Variants in TNIP1 observed in about 807,000 individuals in gnomAD.
The protein encoded by TNIP1 is TNFAIP3-interacting protein 1.
Under a neutral mutation model 86.6 loss-of-function variants are expected in TNIP1, and 22 were observed. The observed-to-expected ratio is 0.25, with a 90% CI of 0.18 to 0.36. TNIP1 has a LOEUF of 0.36. TNIP1 is among the 10% of genes least tolerant of loss of function. The pLI is 1.00. For synonymous variants in TNIP1, 294 were observed against 313.0 expected (o/e 0.94, Z 0.64); for missense variants, 709 against 820.6 (o/e 0.86, Z 1.66).
chr5:151,045,610 A>G (rs951435631), intron 9 of TNIP1, among the ~76,000 whole-genome samples: 3 of 152,210 alleles, frequency 2.0e-5, no homozygotes, highest in Admixed American at 6.5e-5. Flanking sequence ...CTGTAGCCCC[A>G]ACAATTTTAG....
At chr5:151,063,591 G>A (rs771268799) in intron 3 of TNIP1, 22 bp downstream of exon 3, 1 of 1,612,182 alleles carries the variant, frequency 6.2e-7, no homozygotes, top group Non-Finnish European at 8.5e-7. Context: ...GAGAGTCAGA[G>A]GTACCCAGAC....
chr5:151,083,061 T>C (rs943978545), upstream of TNIP1, among the ~76,000 whole-genome samples: 5 of 152,212 alleles, frequency 3.3e-5, no homozygotes, highest in African/African-American at 9.7e-5. Flanking sequence ...CTTGGTCCAC[T>C]GTACCAAGTT....
intron 4 of TNIP1, 129 bp downstream of exon 4, chr5:151,061,998 C>T: frequency 2.4e-6 from 2 of 827,680 alleles, no homozygotes; most frequent in Non-Finnish European, 3.8e-6. Flanking sequence ...ATGGACTTGC[C>T]CAATATCACC....
chr5:151,057,136 A>T (rs1035447520), intron 5 of TNIP1, among the ~76,000 whole-genome samples, 179 bp from the exon 6 acceptor site: 1 of 152,214 alleles, frequency 6.6e-6, no homozygotes, highest in Admixed American at 6.5e-5. Flanking sequence ...CACAGGGCAG[A>T]ACCCAGGACT....
chr5:151,052,276 CAG>C lies in TNIP1; in HGVS notation c.628-19_628-18del. ...ACACAGGGTCTGTGGGGCAGGGGAA[CAG>C]ACAGGGTGAGGGAAAGGAGGGGCCC... On this transcript the variant is annotated intron_variant, in intron 6 of 17. Transcript: ENST00000521591. 6.2e-7 allele frequency: 1 copy of C among 1,609,596 alleles called. No homozygotes were observed. Among genetic ancestry groups the C allele is most frequent in the African/African-American group, 1.3e-5 (1 of 74,920 alleles).
At chr5:151,039,510 G>A (rs545925008) in intron 11 of TNIP1, among the ~76,000 whole-genome samples, 2 of 152,290 alleles carry the variant, frequency 1.3e-5, no homozygotes, top group South Asian at 4.1e-4. Flanking sequence ...TGAGACCCCT[G>A]GCACTGCCAC....
chr5:151,037,309 C>T (rs532083508), intron 12 of TNIP1: 1 of 155,762 alleles, frequency 6.4e-6, no homozygotes, highest in Non-Finnish European at 1.4e-5. Flanking sequence ...ACCTCCCCTT[C>T]CCTGAACATG....
intron 15 of TNIP1, 60 bp downstream of exon 15, chr5:151,034,942 C>T: frequency 4.4e-6 from 7 of 1,593,236 alleles, no homozygotes; most frequent in Non-Finnish European, 6.0e-6. Flanking sequence ...ATCCATCAGG[C>T]TAGCTCCATG....
At chr5:151,043,385 C>T (rs1758707689) in intron 9 of TNIP1, among the ~76,000 whole-genome samples, 1 of 152,114 alleles carries the variant, frequency 6.6e-6, no homozygotes, top group Non-Finnish European at 1.5e-5. Context: ...CTCAGCAATA[C>T]CTGTATTACA....
At chr5:151,063,074 CCA>C (rs1487592998) in intron 3 of TNIP1, among the ~76,000 whole-genome samples, 1 of 152,230 alleles carries the variant, frequency 6.6e-6, no homozygotes, top group Non-Finnish European at 1.5e-5. Context: ...CAACCCCGAG[CCA>C]CAGTCACCCT....
chr5:151,046,523 G>C (rs1759190470), intron 8 of TNIP1, among the ~76,000 whole-genome samples: 1 of 152,176 alleles, frequency 6.6e-6, no homozygotes, highest in Non-Finnish European at 1.5e-5. Flanking sequence ...CAGCAGCACT[G>C]AGCAAACCTA....
At chr5:151,034,664 A>G (rs1757465349) in intron 15 of TNIP1, 12 of 373,266 alleles carry the variant, frequency 3.2e-5, no homozygotes, top group South Asian at 2.4e-4. Flanking sequence ...AAGGCTGGGC[A>G]TGGGCACAAA....
At chr5:151,060,911 C>T (rs77627708) in intron 4 of TNIP1, among the ~76,000 whole-genome samples, 3,617 of 152,320 alleles carry the variant, frequency 0.024, 143 homozygotes, top group African/African-American at 0.083. Flanking sequence ...TCCCAGAACA[C>T]AGATGGCAGC....
At chr5:151,075,378 G>A (rs986099545) in intron 1 of TNIP1, among the ~76,000 whole-genome samples, 8 of 151,726 alleles carry the variant, frequency 5.3e-5, no homozygotes, top group African/African-American at 1.2e-4. Flanking sequence ...TTTTAGATTC[G>A]GGGGGTACAT....
rs1262773906 is a variant in TNIP1 at position 151,035,729 on chromosome 5, G to C, written c.1396-22C>G. ...TCACCTGGTGTGGAGGGAGGGTGAA[G>C]AGAGGGAGGGGGATGGTCCTGAGTG... is the stretch of plus-strand genomic sequence containing the variant. On this transcript the variant is annotated intron_variant, in intron 13 of 17. Coordinates refer to ENST00000521591, the MANE Select transcript of TNIP1 (RefSeq NM_006058.5). 9 of 1,613,262 alleles carry C rather than the reference G, an allele frequency of 5.6e-6. No homozygotes were observed. In the African/African-American group the frequency reaches 1.1e-4, roughly 19 times the overall value.
rs533746967 is a variant in TNIP1, at chr5:151,067,983, C to T, written c.-36-2852G>A. Reference sequence around the variant, plus strand: ...AACCCACCCCACGTCCTCCAAAACACGCAACACTCAGTTTCTCTTGGCGCT... The same window carrying T: ...AACCCACCCCACGTCCTCCAAAACATGCAACACTCAGTTTCTCTTGGCGCT... On this transcript the variant is annotated intron_variant, in intron 1 of 17. Coordinates refer to ENST00000521591, the MANE Select transcript of TNIP1 (RefSeq NM_006058.5). Among the ~76,000 whole-genome samples the T allele has an allele frequency of 3.3e-5, 5 of 152,284 alleles. No homozygotes were observed. In the South Asian group the frequency reaches 1.0e-3, roughly 32 times the overall value.
chr5:151,050,019 T>C, intron 7 of TNIP1, 72 bp from the exon 8 acceptor site: 1 of 1,599,886 alleles, frequency 6.3e-7, no homozygotes, highest in Admixed American at 1.7e-5. Context: ...TCCTTAATGC[T>C]CACTATCGCA....
chr5:151,035,392 G>A (rs1757564807), intron 14 of TNIP1, among the ~76,000 whole-genome samples, 190 bp downstream of exon 14: 1 of 152,222 alleles, frequency 6.6e-6, no homozygotes, highest in Non-Finnish European at 1.5e-5. Context: ...AGATATCTTA[G>A]AGTAAAACTC....
intron 1 of TNIP1, among the ~76,000 whole-genome samples, chr5:151,069,435 G>A (rs1321644150): frequency 6.6e-6 from 1 of 152,152 alleles, no homozygotes; most frequent in Non-Finnish European, 1.5e-5. Context: ...AACAGCCCTG[G>A]GAAGAAGGCA....
Sources: allele counts gnomAD v4.1 joint callset (sites outside exome capture counted in the v4.1 genomes callset), GRCh38; gene constraint gnomAD v4.1.1; transcripts MANE v1.5; gene names NCBI Gene and HGNC (gene_info 2026-07-23, HGNC 2026-07-21).